CDX1: variants seen among roughly 807,000 people sequenced by gnomAD.
The protein encoded by CDX1 is caudal type homeobox 1, also known as homeobox protein CDX-1.
Under a neutral mutation model 16.9 loss-of-function variants are expected in CDX1, and 9 were observed. That is an observed-to-expected ratio of 0.53 (90% confidence interval 0.32 to 0.93). The LOEUF is 0.93. Among genes scored for constraint, CDX1 ranks in the 40% least tolerant of loss-of-function variants. CDX1 has a pLI of 0.04. For synonymous variants in CDX1, 179 were observed against 179.0 expected (o/e 1.00, Z 0.00); for missense variants, 393 against 386.1 (o/e 1.02, Z -0.15).
intron 1 of CDX1, among the ~76,000 whole-genome samples, chr5:150,169,148 G>A (rs1028632757): frequency 6.6e-6 from 1 of 152,106 alleles, no homozygotes; most frequent in Non-Finnish European, 1.5e-5. Flanking sequence ...GACTTGGAGA[G>A]AGGCCATCAC....
At chr5:150,167,815 T>C (rs1474596224) in intron 1 of CDX1, among the ~76,000 whole-genome samples, 1 of 152,130 alleles carries the variant, frequency 6.6e-6, no homozygotes, top group African/African-American at 2.4e-5. Flanking sequence ...CATTGCTGGG[T>C]CATATCCTTC....
chr5:150,167,234 G>T lies in CDX1; in HGVS notation c.358G>T (p.Gly120Cys). The T allele has an allele frequency of 7.9e-7, 1 of 1,262,954 alleles. No individual in the cohort carries two copies. The highest frequency in any genetic ancestry group is 3.3e-5 in the South Asian group (1 of 30,226). 78.2% of individuals were successfully genotyped at this position (1,262,954 alleles called of 1,614,324 possible). A position where few individuals can be genotyped will look rare whatever the true frequency, so the allele number is the denominator to read the frequency against. The part of the protein sequence containing the change: ...GLLAQPLGGP[G>C]TPSSPGAQRP... ...CCTGGCGCAGCCCCTCGGGGGCCCGGGCACACCGTCCTCGCCCGGAGCGCA... is the reference window on the plus strand; with the variant it reads ...CCTGGCGCAGCCCCTCGGGGGCCCGTGCACACCGTCCTCGCCCGGAGCGCA... Residue 120 changes from glycine to cysteine, a missense_variant, in exon 1 of 3, where the codon GGC becomes TGC. Physicochemically the swap from Gly to Cys is radical, Grantham distance 159. Transcript: ENST00000231656.
At chr5:150,182,229 T>C (rs1354033062) in intron 1 of CDX1, among the ~76,000 whole-genome samples, 1 of 152,230 alleles carries the variant, frequency 6.6e-6, no homozygotes, top group Admixed American at 6.5e-5. Flanking sequence ...CACCCTTGCC[T>C]GCCCGATATC....
In CDX1 at chr5:150,166,964, T is replaced by A; in HGVS notation, c.88T>A (p.Tyr30Asn). 1 of 1,470,848 alleles carries A rather than the reference T, an allele frequency of 6.8e-7. No homozygotes were observed. 91.1% of individuals were successfully genotyped at this position (1,470,848 alleles called of 1,614,324 possible). ...PASLGLGPQAYGPPAPPPAPP... is the reference protein window; with the variant it reads ...PASLGLGPQANGPPAPPPAPP... The stretch of plus-strand genomic sequence containing the variant: ...CAGCCTCGGCCTGGGCCCGCAAGCC[T>A]ACGGCCCCCCGGCCCCGCCCCCGGC... The change falls in exon 1 of 3, where the codon TAC (tyrosine) becomes AAC (asparagine). Residue 30 changes from tyrosine (Y) to asparagine (N), a missense_variant. By Grantham distance (143) the Tyr-to-Asn change is moderately radical. Coordinates refer to ENST00000231656, the MANE Select transcript of CDX1 (RefSeq NM_001804.3).
intron 1 of CDX1, among the ~76,000 whole-genome samples, chr5:150,181,104 T>A (rs556465804): frequency 6.6e-6 from 1 of 152,250 alleles, no homozygotes; most frequent in South Asian, 2.1e-4. Flanking sequence ...TCCCCTTGTC[T>A]CCTGTCCCGT....
rs755819374 is a variant in CDX1, at chr5:150,183,533, G to A, written c.651G>A (p.Gln217=). The part of the protein sequence containing the change: ...AKERKVNKKK[Q]QQQQPPQPPM... ...AGCGCAAAGTGAACAAGAAGAAACA[G>A]CAGCAGCAACAGCCCCCACAGCCGC... is the stretch of plus-strand genomic sequence containing the variant. Residue 217 remains glutamine (Q), a synonymous_variant, in exon 3 of 3, where the codon CAG becomes CAA. Coordinates refer to ENST00000231656, the MANE Select transcript of CDX1 (RefSeq NM_001804.3). 4.3e-6 allele frequency: 7 copies of A among 1,612,210 alleles called. No individual in the cohort carries two copies. In the South Asian group the frequency reaches 5.5e-5, roughly 13 times the overall value.
chr5:150,175,820 T>C (rs1761562706), intron 1 of CDX1, among the ~76,000 whole-genome samples: 1 of 152,184 alleles, frequency 6.6e-6, no homozygotes, highest in Non-Finnish European at 1.5e-5. Context: ...GGTCAGTGTG[T>C]TCTTGGCCCT....
chr5:150,182,566 A>G (rs1392860353), intron 1 of CDX1, among the ~76,000 whole-genome samples: 5 of 152,198 alleles, frequency 3.3e-5, no homozygotes, highest in Non-Finnish European at 7.3e-5. Flanking sequence ...TGGGAGGAGT[A>G]CTTGCCTCCC....
chr5:150,174,606 A>T (rs1185343936), intron 1 of CDX1, among the ~76,000 whole-genome samples: 1 of 152,224 alleles, frequency 6.6e-6, no homozygotes, highest in Non-Finnish European at 1.5e-5. Context: ...GCTGTTGAAC[A>T]CTTGAAATAC....
chr5:150,182,942 G>C (rs1260214403), intron 2 of CDX1, 29 bp downstream of exon 2: 1 of 1,584,524 alleles, frequency 6.3e-7, no homozygotes, highest in African/African-American at 1.3e-5. Flanking sequence ...CTCAGCCATA[G>C]GAGCAGTGCG....
At chr5:150,183,397 C>T in intron 2 of CDX1, 77 bp from the exon 3 acceptor site, 2 of 1,313,468 alleles carry the variant, frequency 1.5e-6, no homozygotes, top group Non-Finnish European at 2.1e-6. Context: ...GGCTCACTGT[C>T]CTCGTCTCTC....
Position 150,183,570 on chromosome 5 carries a change from G to C in CDX1, c.688G>C (p.Asp230His). The change falls in exon 3 of 3, where the codon GAC (aspartate) becomes CAC (histidine). Residue 230 changes from aspartate to histidine, a missense_variant. Physicochemically the swap from Asp to His is moderately conservative, Grantham distance 81. Transcript: ENST00000231656. ...QQPPQPPMAH[D>H]ITATPAGPSL... ...GCCCCCACAGCCGCCGATGGCCCAC[G>C]ACATCACGGCCACCCCAGCCGGGCC... The C allele has an allele frequency of 6.2e-7, 1 of 1,611,866 alleles. No individual in the cohort carries two copies. The highest frequency in any genetic ancestry group is 1.7e-5 in the Admixed American group (1 of 59,870).
In CDX1 at chr5:150,183,467, C is replaced by G. The variant is rs760915590; in HGVS notation, c.592-7C>G. 1 of 1,592,020 alleles carries G rather than the reference C, an allele frequency of 6.3e-7. No individual in the cohort carries two copies. The highest frequency in any genetic ancestry group is 8.6e-7 in the Non-Finnish European group (1 of 1,166,682). The stretch of plus-strand genomic sequence containing the variant: ...GCCCACTCCATCTCTGTCCTCCAAC[C>G]CCACAGGTGAAGATCTGGTTCCAAA... On this transcript the variant is annotated splice_region_variant and splice_polypyrimidine_tract_variant and intron_variant, in intron 2 of 2. Transcript: ENST00000231656.
Position 150,183,602 on chromosome 5 carries a change from G to A in CDX1, c.720G>A (p.Leu240=), listed in dbSNP as rs764001144. The change falls in exon 3 of 3, where the codon CTG becomes CTA. Residue 240 remains leucine (L), a synonymous_variant. Coordinates refer to ENST00000231656, the MANE Select transcript of CDX1 (RefSeq NM_001804.3). ...CGGCCACCCCAGCCGGGCCATCCCT[G>A]GGGGGCCTGTGTCCCAGCAACACCA... ...DITATPAGPS[L]GGLCPSNTSL... 1.1e-5 allele frequency: 17 copies of A among 1,609,428 alleles called. No homozygotes were observed. The highest frequency in any genetic ancestry group is 1.4e-5 in the Non-Finnish European group (16 of 1,177,064).
intron 1 of CDX1, among the ~76,000 whole-genome samples, chr5:150,168,942 A>G (rs2113947505): frequency 6.6e-6 from 1 of 152,352 alleles, no homozygotes; most frequent in Middle Eastern, 3.4e-3. Context: ...CAGAAGCTTT[A>G]TCCATAAATC....
rs766546288 is a variant in CDX1 at position 150,172,404 on chromosome 5, C to T, written c.445+5083C>T. 2.6e-5 allele frequency among the ~76,000 whole-genome samples: 4 copies of T among 152,024 alleles called. No individual in the cohort carries two copies. In the East Asian group the frequency reaches 5.8e-4, roughly 22 times the overall value. ...TGATCTCACTTAAGTCTCATGATAG[C>T]CCTGAGTGGTGTAAGGATCTAGTAT... On this transcript the variant is annotated intron_variant, in intron 1 of 2. Transcript: ENST00000231656.
In CDX1 at chr5:150,182,881, C is replaced by A; in HGVS notation, c.559C>A (p.Leu187Met). 6.2e-7 allele frequency: 1 copy of A among 1,612,202 alleles called. No individual in the cohort carries two copies. Among genetic ancestry groups the A allele is most frequent in the Non-Finnish European group, 8.5e-7 (1 of 1,179,156 alleles). ...CATCACAATCCGGCGGAAATCAGAG[C>A]TGGCTGCCAATCTGGGGCTCACTGA... ...RYITIRRKSE[L>M]AANLGLTERQ... Residue 187 changes from leucine to methionine, a missense_variant, in exon 2 of 3, where the codon CTG becomes ATG. Transcript: ENST00000231656.
In CDX1 at chr5:150,166,886, G is replaced by C. The variant is rs1246169085; in HGVS notation, c.10G>C (p.Gly4Arg). MYV[G>R]YVLDKDSPVY... is the part of the protein sequence containing the mutation. ...GGACCCCGCGGCCACCATGTATGTG[G>C]GCTATGTGCTGGACAAGGATTCGCC... is the stretch of plus-strand genomic sequence containing the variant. The change falls in exon 1 of 3, where the codon GGC becomes CGC. Residue 4 changes from glycine to arginine, a missense_variant. Physicochemically the swap from Gly to Arg is moderately radical, Grantham distance 125 (BLOSUM62 -2). Transcript: ENST00000231656. 1.3e-6 allele frequency: 2 copies of C among 1,512,694 alleles called. No homozygotes were observed. Among genetic ancestry groups the C allele is most frequent in the South Asian group, 2.5e-5 (2 of 78,692 alleles). 93.7% of individuals were successfully genotyped at this position (1,512,694 alleles called of 1,614,324 possible).
At chr5:150,176,928 A>C (rs984122578) in intron 1 of CDX1, among the ~76,000 whole-genome samples, 1 of 152,244 alleles carries the variant, frequency 6.6e-6, no homozygotes, top group Admixed American at 6.5e-5. Context: ...AAGCACAGCC[A>C]GCTGGGGCTG....
Sources: allele counts gnomAD v4.1 joint callset (sites outside exome capture counted in the v4.1 genomes callset), GRCh38; gene constraint gnomAD v4.1.1; transcripts MANE v1.5; gene names NCBI Gene and HGNC (gene_info 2026-07-23, HGNC 2026-07-21).